Variants in DYSF observed in about 807,000 individuals in gnomAD.
DYSF encodes the protein dystrophy-associated fer-1-like 1.
Under a neutral mutation model 274.9 loss-of-function variants are expected in DYSF, and 212 were observed. The ratio of observed to expected loss-of-function variants is 0.77; its 90% CI spans 0.69 to 0.86. The LOEUF is 0.86. Among genes scored for constraint, DYSF ranks in the 40% least tolerant of loss-of-function variants. DYSF has a pLI of 0.00. For missense variants in DYSF, 2,666 were observed against 2,783.2 expected, an observed-to-expected ratio of 0.96 and a Z score of 0.95; for synonymous variants, 1,091 against 1,078.7, an observed-to-expected ratio of 1.01 and a Z score of -0.22.
At chr2:71,516,687 T>C (rs1364503073) in intron 9 of DYSF, among the ~76,000 whole-genome samples, 2 of 152,238 alleles carry the variant, frequency 1.3e-5, no homozygotes, top group Non-Finnish European at 2.9e-5. Flanking sequence ...TGAAGCGCAC[T>C]GCAGCCTAGT....
intron 43 of DYSF, among the ~76,000 whole-genome samples, chr2:71,657,963 G>T (rs1173522526): frequency 6.6e-6 from 1 of 152,174 alleles, no homozygotes; most frequent in Non-Finnish European, 1.5e-5. Context: ...TCTGCAGCTG[G>T]CTTGAATTTC....
chr2:71,528,650 AG>A, intron 14 of DYSF, among the ~76,000 whole-genome samples: 1 of 152,280 alleles, frequency 6.6e-6, no homozygotes, highest in Middle Eastern at 3.4e-3. Flanking sequence ...GGCCCAGGAG[AG>A]GACGTTGGAT....
chr2:71,672,574 A>C (rs1211049807), intron 51 of DYSF, among the ~76,000 whole-genome samples: 1 of 152,102 alleles, frequency 6.6e-6, no homozygotes, highest in East Asian at 1.9e-4. Flanking sequence ...CTGCAAATAA[A>C]CAGCTAGTAA....
At chr2:71,667,661 G>A (rs766385733) in intron 48 of DYSF, 146 bp downstream of exon 48, 69 of 1,284,132 alleles carry the variant, frequency 5.4e-5, no homozygotes, top group African/African-American at 8.9e-5. Flanking sequence ...GTCTGAGTGC[G>A]GCCATGGTTG....
At chr2:71,675,054 A>G (rs886395550) in intron 52 of DYSF, among the ~76,000 whole-genome samples, 1 of 152,156 alleles carries the variant, frequency 6.6e-6, no homozygotes, top group African/African-American at 2.4e-5. Context: ...CCAGACACAA[A>G]AGGTCAAATA....
chr2:71,517,075 C>T, intron 10 of DYSF, 36 bp downstream of exon 10: 8 of 1,601,782 alleles, frequency 5.0e-6, no homozygotes, highest in Non-Finnish European at 6.8e-6. Context: ...AGTCAGTTCT[C>T]ACTTCTCCGT....
chr2:71,544,821 T>C (rs979484100), intron 17 of DYSF, among the ~76,000 whole-genome samples: 1 of 152,200 alleles, frequency 6.6e-6, no homozygotes, highest in Non-Finnish European at 1.5e-5. Flanking sequence ...ATCAGAGGCA[T>C]GTACCTGACA....
intron 35 of DYSF, among the ~76,000 whole-genome samples, chr2:71,602,062 AT>A (rs2093561675): frequency 6.6e-6 from 1 of 152,020 alleles, no homozygotes; most frequent in Non-Finnish European, 1.5e-5. Context: ...CCAAGACCTC[AT>A]TTTCTTTCCT....
At chr2:71,500,431 C>T (rs373293232) in intron 3 of DYSF, among the ~76,000 whole-genome samples, 4 of 152,048 alleles carry the variant, frequency 2.6e-5, no homozygotes, top group East Asian at 1.9e-4. Flanking sequence ...GCCCCCAGGC[C>T]GATAGCAGGG....
At chr2:71,527,591 G>GT (rs11442791) in intron 13 of DYSF, among the ~76,000 whole-genome samples, 48 of 151,970 alleles carry the variant, frequency 3.2e-4, no homozygotes, top group Non-Finnish European at 6.9e-4. Context: ...AACGTTGTTT[G>GT]AAAAAAACAA....
At position 71,574,241 on chromosome 2, in the gene DYSF, C is replaced by G. The variant is rs777544603; in HGVS notation, c.3272C>G (p.Ser1091Cys). ...GAGGGCGAGGGCTGGGAGTACGCCTCTCTTTTTGGCTGGAAGTTCCACCTC... is the reference window on the plus strand; with the variant it reads ...GAGGGCGAGGGCTGGGAGTACGCCTGTCTTTTTGGCTGGAAGTTCCACCTC... ...EAEGEGWEYA[S>C]LFGWKFHLEY... The change falls in exon 30 of 56, where the codon TCT becomes TGT. Residue 1091 changes from serine to cysteine, a missense_variant. By Grantham distance (112) the Ser-to-Cys change is moderately radical (BLOSUM62 -1). This residue lies in a region of DYSF where 1,460 missense variants were observed against 1,502.1 expected (regional missense o/e 0.97). Transcript: ENST00000410020. The G allele has an allele frequency of 6.2e-7, 1 of 1,613,934 alleles. No homozygotes were observed. Among genetic ancestry groups the G allele is most frequent in the African/African-American group, 1.3e-5 (1 of 74,954 alleles).
intron 42 of DYSF, among the ~76,000 whole-genome samples, chr2:71,650,827 A>G (rs2094644370): frequency 1.3e-5 from 2 of 152,230 alleles, no homozygotes; most frequent in Admixed American, 6.5e-5. Context: ...CATCTAGGAA[A>G]CAGTGCTAAA....
chr2:71,684,726 C>T (rs1050589293), intron 55 of DYSF, among the ~76,000 whole-genome samples: 1 of 152,174 alleles, frequency 6.6e-6, no homozygotes, highest in Non-Finnish European at 1.5e-5. Flanking sequence ...CCCCGGCCTG[C>T]TGAGGGGGAA....
At chr2:71,588,053 G>A (rs72827572) in intron 30 of DYSF, among the ~76,000 whole-genome samples, 3,435 of 152,328 alleles carry the variant, frequency 0.023, 50 homozygotes, top group Middle Eastern at 0.088. Context: ...AAGACGGGGA[G>A]GCCTGGGATG....
Position 71,664,461 on chromosome 2 carries a change from C to T in DYSF, c.5174+23C>T, listed in dbSNP as rs1056250604. On this transcript the variant is annotated intron_variant, in intron 46 of 55. Transcript: ENST00000410020. ...TGTGTACGTGGATGGGGGCTGGCTG[C>T]CTGCTTCTCTGACAACACACCACCC... The T allele has an allele frequency of 2.5e-6, 4 of 1,613,182 alleles. No individual in the cohort carries two copies. The African/African-American group carries it at 5.3e-5, about 22-fold the overall frequency.
chr2:71,514,110 C>T (rs1274687907), intron 7 of DYSF, among the ~76,000 whole-genome samples, 189 bp downstream of exon 7: 1 of 135,886 alleles, frequency 7.4e-6, no homozygotes, highest in Non-Finnish European at 1.5e-5. Flanking sequence ...CTTACATCCA[C>T]AGAATAAGCT....
At chr2:71,499,644 A>G (rs1357688876) in intron 3 of DYSF, among the ~76,000 whole-genome samples, 1 of 152,156 alleles carries the variant, frequency 6.6e-6, no homozygotes, top group Non-Finnish European at 1.5e-5. Flanking sequence ...ACGGAGGAAA[A>G]GCATGTGCCC....
chr2:71,578,963 C>A (rs1487942772), intron 30 of DYSF, among the ~76,000 whole-genome samples: 1 of 152,194 alleles, frequency 6.6e-6, no homozygotes, highest in Non-Finnish European at 1.5e-5. Flanking sequence ...TCGTATTATT[C>A]TTTTTCCAGC....
intron 4 of DYSF, among the ~76,000 whole-genome samples, chr2:71,504,775 G>A (rs1318835063): frequency 1.3e-5 from 2 of 152,192 alleles, no homozygotes; most frequent in Non-Finnish European, 2.9e-5. Flanking sequence ...GGCCTGTCCA[G>A]CCCCGAGGCA....
Sources: allele counts gnomAD v4.1 joint callset (sites outside exome capture counted in the v4.1 genomes callset), GRCh38; gene constraint gnomAD v4.1.1; regional missense constraint gnomAD v4.1.1; transcripts MANE v1.5; gene names NCBI Gene and HGNC (gene_info 2026-07-23, HGNC 2026-07-21).